COL6A5: variants seen among roughly 807,000 people sequenced by gnomAD.
COL6A5 encodes collagen type VI alpha 5 chain.
In COL6A5, 48 loss-of-function variants were observed where a neutral mutation model predicts 65.6. The observed-to-expected ratio is 0.73, with a 90% CI of 0.58 to 0.93. COL6A5 has a LOEUF of 0.93. Ranked by LOEUF, COL6A5 falls within the 40% of genes least tolerant of loss-of-function variation. The probability of loss-of-function intolerance (pLI) is 0.00; values close to 1 mark genes in which losing one functional copy is unlikely to be tolerated. For synonymous variants in COL6A5, 291 were observed against 322.8 expected (o/e 0.90, Z 1.05); for missense variants, 914 against 928.3 (o/e 0.98, Z 0.20).
chr3:130,449,976 G>A (rs73871009), intron 4 of COL6A5, among the ~76,000 whole-genome samples: 1,777 of 152,142 alleles, frequency 0.012, 40 homozygotes, highest in African/African-American at 0.04. Flanking sequence ...ACAATCAAAG[G>A]CAAAGAATCA....
intron 4 of COL6A5, among the ~76,000 whole-genome samples, chr3:130,450,926 T>C (rs896428777): frequency 1.6e-4 from 24 of 152,130 alleles, no homozygotes; most frequent in African/African-American, 5.6e-4. Context: ...ATTACTTCGA[T>C]TTAGCTGAGC....
rs574972770 is a variant in COL6A5, at chr3:130,370,683, G to T, written c.-28-2928G>T. On this transcript the variant is annotated intron_variant and NMD_transcript_variant, in intron 1 of 41. Transcript: ENST00000312481. ...TAATGGAAAAGACGAATAGGAATGT[G>T]AAGTGAAAATAGTGAGACATACTAT... Among the ~76,000 whole-genome samples, 45 of 152,318 alleles carry T rather than the reference G, an allele frequency of 3.0e-4. 1 individual carries two copies. Among genetic ancestry groups the T allele is most frequent in the Middle Eastern group, 6.8e-3 (2 of 294 alleles).
intron 7 of COL6A5, among the ~76,000 whole-genome samples, 189 bp downstream of exon 40, chr3:130,472,115 C>T (rs919418627): frequency 6.6e-6 from 1 of 151,994 alleles, no homozygotes; most frequent in South Asian, 2.1e-4. Context: ...TCTTTGTTGA[C>T]ATATTCGAAT....
chr3:130,458,063 A>G (rs1053341611), intron 5 of COL6A5, among the ~76,000 whole-genome samples: 1 of 152,034 alleles, frequency 6.6e-6, no homozygotes, highest in African/African-American at 2.4e-5. Context: ...TGAGCTGGCA[A>G]TGACTTGTGT....
chr3:130,345,987 T>A lies in COL6A5; in HGVS notation c.-29+6T>A, dbSNP rs1934459584. 1 of 398,478 alleles carries A rather than the reference T, an allele frequency of 2.5e-6. No individual in the cohort carries two copies. Among genetic ancestry groups the A allele is most frequent in the African/African-American group, 2.1e-5 (1 of 48,584 alleles). 24.7% of individuals were successfully genotyped at this position (398,478 alleles called of 1,614,324 possible). The stretch of plus-strand genomic sequence containing the variant: ...CCTGACCCCGGGAAAGCTGGGTAAG[T>A]ATGCGGTGCGGGGACTTGGGGCCTG... On this transcript the variant is annotated splice_donor_region_variant and intron_variant and NMD_transcript_variant, in intron 1 of 41. Transcript: ENST00000312481.
At chr3:130,455,099 C>A (rs114107829) in intron 4 of COL6A5, among the ~76,000 whole-genome samples, 2 of 151,480 alleles carry the variant, frequency 1.3e-5, no homozygotes, top group Non-Finnish European at 2.9e-5. Flanking sequence ...GTGATTGCAC[C>A]GCTGCATTCC....
At position 130,464,935 on chromosome 3, in the gene COL6A5, G is replaced by A. The variant is rs1160629456; in HGVS notation, c.1545-3860G>A. Reference sequence around the variant, plus strand: ...CAAAAGAAGCATCTCAAACAAGATGGTCAGTTGTCATCTTTTAGAACTGCC... The same window carrying A: ...CAAAAGAAGCATCTCAAACAAGATGATCAGTTGTCATCTTTTAGAACTGCC... On this transcript the variant is annotated intron_variant, in intron 5 of 7. Transcript: ENST00000512836. Among the ~76,000 whole-genome samples the A allele has an allele frequency of 3.3e-5, 5 of 152,102 alleles. No homozygotes were observed. The East Asian group carries it at 9.7e-4, about 29-fold the overall frequency.
intron 1 of COL6A5, among the ~76,000 whole-genome samples, chr3:130,372,561 C>T (rs1478469551): frequency 6.6e-6 from 1 of 151,952 alleles, no homozygotes; most frequent in African/African-American, 2.4e-5. Flanking sequence ...ATGAAAGAAG[C>T]CAAACATAAA....
chr3:130,411,155 C>G (rs1209652731), intron 20 of COL6A5, among the ~76,000 whole-genome samples: 1 of 152,112 alleles, frequency 6.6e-6, no homozygotes, highest in Non-Finnish European at 1.5e-5. Flanking sequence ...AAGCCTATCA[C>G]AGCAAAAAAT....
chr3:130,440,211 A>C (rs374518232), exon 3 of COL6A5: 54 of 1,613,018 alleles, frequency 3.3e-5, no homozygotes, highest in Non-Finnish European at 4.4e-5. Context: ...TTCTTACCTG[A>C]AGATTCATAC....
chr3:130,439,414 A>G (rs1404874331), intron 1 of COL6A5, 108 bp from the exon 34 acceptor site: 2 of 669,670 alleles, frequency 3.0e-6, no homozygotes, highest in Non-Finnish European at 5.2e-6. Flanking sequence ...GCTATAATGC[A>G]AGGTAATAGT....
At chr3:130,456,087 C>G (rs914316377) in intron 5 of COL6A5, among the ~76,000 whole-genome samples, 1 of 152,004 alleles carries the variant, frequency 6.6e-6, no homozygotes, top group Non-Finnish European at 1.5e-5. Context: ...CTCCGCCACC[C>G]GGGTTCAAGC....
chr3:130,484,224 G>T (rs1710320480), exon 8 of COL6A5: 2 of 593,920 alleles, frequency 3.4e-6, no homozygotes, highest in African/African-American at 1.9e-5. Context: ...TTGAGGAGAA[G>T]AATTTTCGGA....
chr3:130,379,678 G>A, exon 4 of COL6A5: 1 of 1,551,392 alleles, frequency 6.4e-7, no homozygotes, highest in Non-Finnish European at 8.7e-7. Flanking sequence ...TATCCAAGTT[G>A]GGAAATCCAA....
intron 4 of COL6A5, among the ~76,000 whole-genome samples, chr3:130,449,411 C>G (rs1709377377): frequency 6.6e-6 from 1 of 152,130 alleles, no homozygotes; most frequent in African/African-American, 2.4e-5. Flanking sequence ...CAGTAAATCT[C>G]TACCCCAAAG....
At chr3:130,431,288 C>T (rs1387512754), upstream of COL6A5, 4 of 742,414 alleles carry the variant, frequency 5.4e-6, no homozygotes, top group Admixed American at 8.0e-5. Flanking sequence ...ATGTTAACAG[C>T]TTCAAGTTTG....
At chr3:130,456,386 A>G (rs962807109) in intron 5 of COL6A5, among the ~76,000 whole-genome samples, 1 of 152,108 alleles carries the variant, frequency 6.6e-6, no homozygotes, top group Admixed American at 6.6e-5. Context: ...AAGAACTACT[A>G]TTTGATAGCA....
chr3:130,450,693 C>T (rs1348457685), intron 4 of COL6A5, among the ~76,000 whole-genome samples: 2 of 152,170 alleles, frequency 1.3e-5, no homozygotes, highest in East Asian at 1.9e-4. Flanking sequence ...GGTTTTTCAA[C>T]AGCGTCTTGT....
chr3:130,419,495 G>A (rs1937462756), intron 25 of COL6A5, among the ~76,000 whole-genome samples: 1 of 152,212 alleles, frequency 6.6e-6, no homozygotes, highest in Admixed American at 6.5e-5. Context: ...CAATAGCCAA[G>A]AAAATATGGG....
Sources: allele counts gnomAD v4.1 joint callset (sites outside exome capture counted in the v4.1 genomes callset), GRCh38; gene constraint gnomAD v4.1.1; transcripts MANE v1.5; gene names NCBI Gene and HGNC (gene_info 2026-07-23, HGNC 2026-07-21).